DLG2: variants seen among roughly 807,000 people sequenced by gnomAD.
DLG2 encodes the protein disks large homolog 2.
Under a neutral mutation model 132.5 loss-of-function variants are expected in DLG2, and 45 were observed. That is an observed-to-expected ratio of 0.34 (90% CI 0.27 to 0.44). DLG2 has a LOEUF of 0.44. DLG2 is among the 20% of genes least tolerant of loss of function. The pLI is 1.00. For synonymous variants in DLG2, 424 were observed against 419.6 expected, an observed-to-expected ratio of 1.01 and a Z score of -0.13; for missense variants, 1,045 against 1,196.9, an observed-to-expected ratio of 0.87 and a Z score of 1.87.
chr11:85,597,536 T>C (rs1032632318), intron 3 of DLG2, among the ~76,000 whole-genome samples: 1 of 151,966 alleles, frequency 6.6e-6, no homozygotes, highest in Admixed American at 6.6e-5. Context: ...AATAAAATAT[T>C]TTTTAAAAGT....
At chr11:85,289,901 C>A (rs2078788049) in intron 3 of DLG2, among the ~76,000 whole-genome samples, 1 of 152,136 alleles carries the variant, frequency 6.6e-6, no homozygotes, top group East Asian at 1.9e-4. Flanking sequence ...ATAGTTATTT[C>A]TCTTTCAGCC....
intron 8 of DLG2, among the ~76,000 whole-genome samples, chr11:84,198,274 G>T (rs1252135135): frequency 6.6e-6 from 1 of 152,090 alleles, no homozygotes; most frequent in Non-Finnish European, 1.5e-5. Context: ...CAAAGCCCTT[G>T]ATGCTTTTTC....
intron 11 of DLG2, among the ~76,000 whole-genome samples, chr11:84,004,927 T>A: frequency 8.8e-6 from 1 of 113,672 alleles, no homozygotes; most frequent in Admixed American, 1.0e-4. Flanking sequence ...AGAAAAAGAA[T>A]TCTAAAATTT....
intron 6 of DLG2, among the ~76,000 whole-genome samples, chr11:84,737,810 T>C (rs75781049): frequency 2.0e-5 from 3 of 151,876 alleles, no homozygotes; most frequent in South Asian, 2.1e-4. Flanking sequence ...GTGATACATA[T>C]TGGGGGTAGA....
At chr11:85,505,575 G>C (rs2093911328) in intron 3 of DLG2, among the ~76,000 whole-genome samples, 1 of 152,206 alleles carries the variant, frequency 6.6e-6, no homozygotes, top group Non-Finnish European at 1.5e-5. Flanking sequence ...AAGCCGACTT[G>C]ATGGTGGTGG....
At chr11:85,280,975 A>G (rs969822623) in intron 4 of DLG2, among the ~76,000 whole-genome samples, 2 of 152,014 alleles carry the variant, frequency 1.3e-5, no homozygotes, top group African/African-American at 4.8e-5. Flanking sequence ...CTGTCATCTT[A>G]TGATATCAAC....
intron 10 of DLG2, among the ~76,000 whole-genome samples, chr11:84,088,904 G>T (rs2097040972): frequency 1.3e-5 from 2 of 152,182 alleles, no homozygotes; most frequent in South Asian, 4.1e-4. Flanking sequence ...AGCTGGGCTT[G>T]TATCCTGCTT....
intron 11 of DLG2, among the ~76,000 whole-genome samples, chr11:83,982,197 T>A (rs2092845966): frequency 6.6e-6 from 1 of 152,158 alleles, no homozygotes; most frequent in Non-Finnish European, 1.5e-5. Flanking sequence ...TACACTATGC[T>A]TTTTATTGTT....
chr11:83,589,156 C>A (rs2097144064), intron 19 of DLG2, among the ~76,000 whole-genome samples: 1 of 151,068 alleles, frequency 6.6e-6, no homozygotes, highest in Non-Finnish European at 1.5e-5. Flanking sequence ...AAAGATACTC[C>A]TCGAGAAGAG....
At chr11:84,670,467 C>T (rs978279429) in intron 6 of DLG2, among the ~76,000 whole-genome samples, 2 of 152,052 alleles carry the variant, frequency 1.3e-5, no homozygotes, top group Admixed American at 6.6e-5. Context: ...AAGAGCAGGG[C>T]GCTTATGATG....
intron 6 of DLG2, among the ~76,000 whole-genome samples, chr11:84,573,855 C>A (rs573034816): frequency 7.9e-5 from 12 of 152,142 alleles, no homozygotes; most frequent in Non-Finnish European, 1.6e-4. Context: ...ATGCTCCAGA[C>A]TGGCAAACTC....
chr11:85,218,267 T>C (rs1168575991), intron 4 of DLG2, among the ~76,000 whole-genome samples: 3 of 152,186 alleles, frequency 2.0e-5, no homozygotes, highest in Non-Finnish European at 4.4e-5. Context: ...GCCTACAGAA[T>C]GGAAGAAAAT....
chr11:84,631,596 A>G (rs1322742309), intron 6 of DLG2, among the ~76,000 whole-genome samples: 3 of 151,462 alleles, frequency 2.0e-5, no homozygotes, highest in Non-Finnish European at 4.4e-5. Flanking sequence ...GGAACTTCAA[A>G]ATGTCCTAGG....
intron 4 of DLG2, among the ~76,000 whole-genome samples, chr11:85,270,654 G>A (rs1053031764): frequency 6.6e-6 from 1 of 152,210 alleles, no homozygotes; most frequent in African/African-American, 2.4e-5. Context: ...AAGATGATAT[G>A]AACAACGAAA....
intron 18 of DLG2, among the ~76,000 whole-genome samples, chr11:83,775,878 A>G (rs1354767631): frequency 5.3e-5 from 8 of 152,138 alleles, no homozygotes; most frequent in Non-Finnish European, 8.8e-5. Context: ...GGATCACAAG[A>G]TCAGGAGATC....
intron 11 of DLG2, among the ~76,000 whole-genome samples, chr11:83,982,019 T>C (rs906962210): frequency 3.3e-5 from 5 of 152,196 alleles, no homozygotes; most frequent in Non-Finnish European, 5.9e-5. Context: ...ATCATAGTCA[T>C]TGTAACATCA....
intron 3 of DLG2, among the ~76,000 whole-genome samples, chr11:85,319,076 A>C (rs1462978177): frequency 6.6e-6 from 1 of 151,908 alleles, no homozygotes; most frequent in Non-Finnish European, 1.5e-5. Flanking sequence ...TTATTTTTCA[A>C]ATGACTCTAT....
chr11:83,906,411 G>A (rs1163626519), intron 15 of DLG2, among the ~76,000 whole-genome samples: 1 of 151,680 alleles, frequency 6.6e-6, no homozygotes, highest in African/African-American at 2.4e-5. Flanking sequence ...TACATAGTTC[G>A]GGAGATAGGG....
At chr11:84,355,174 G>A (rs1346274024) in intron 7 of DLG2, among the ~76,000 whole-genome samples, 2 of 152,030 alleles carry the variant, frequency 1.3e-5, no homozygotes, top group Non-Finnish European at 2.9e-5. Context: ...TAGAGGTGTT[G>A]CTACTTGTGC....
Sources: gnomAD v4.1 joint callset for allele counts (sites outside exome capture counted in the v4.1 genomes callset) on GRCh38, gnomAD v4.1.1 for gene constraint, MANE v1.5 for transcripts, NCBI Gene and HGNC (gene_info 2026-07-23, HGNC 2026-07-21) for gene names.